Variants in SLC29A3 observed in about 807,000 individuals in gnomAD.
The protein encoded by SLC29A3 is equilibrative nucleoside transporter 3.
Under a neutral mutation model 25.4 loss-of-function variants are expected in SLC29A3, and 18 were observed. The ratio of observed to expected loss-of-function variants is 0.71; its 90% CI spans 0.49 to 1.05. The LOEUF (loss-of-function observed/expected upper bound fraction) is 1.05. Among genes scored for constraint, SLC29A3 ranks in the 50% least tolerant of loss-of-function variants. SLC29A3 has a pLI of 0.00. For missense variants in SLC29A3, 586 were observed against 609.0 expected (o/e 0.96, Z 0.40); for synonymous variants, 258 against 267.1 (o/e 0.97, Z 0.33).
intron 4 of SLC29A3, among the ~76,000 whole-genome samples, chr10:71,352,200 G>A (rs570658744): frequency 1.3e-5 from 2 of 152,158 alleles, no homozygotes; most frequent in South Asian, 2.1e-4. Context: ...TGGTGTCTGG[G>A]TTGCAAAAGC....
In SLC29A3 at chr10:71,362,743, C is replaced by A. The variant is rs1458291851; in HGVS notation, c.*135C>A. On this transcript the variant is annotated 3_prime_UTR_variant, in exon 6 of 6. Transcript: ENST00000373189. Reference sequence around the variant, plus strand: ...GAGCAGAGCACACTCGGGCCTCATCCCTCCCAAGATGCCAGTGAGCCACGT... The same window carrying A: ...GAGCAGAGCACACTCGGGCCTCATCACTCCCAAGATGCCAGTGAGCCACGT... 1.7e-6 allele frequency: 2 copies of A among 1,207,576 alleles called. No homozygotes were observed. Among genetic ancestry groups the A allele is most frequent in the Non-Finnish European group, 2.4e-6 (2 of 839,774 alleles). 74.8% of individuals were successfully genotyped at this position (1,207,576 alleles called of 1,614,324 possible).
intron 3 of SLC29A3, among the ~76,000 whole-genome samples, chr10:71,372,532 T>C (rs1847219307): frequency 6.6e-6 from 1 of 152,164 alleles, no homozygotes. Flanking sequence ...TTCCAACAAG[T>C]TCCCAGGTGG....
intron 4 of SLC29A3, among the ~76,000 whole-genome samples, chr10:71,355,105 A>G (rs1469235198): frequency 6.6e-6 from 1 of 152,222 alleles, no homozygotes; most frequent in African/African-American, 2.4e-5. Flanking sequence ...ACTGTGTGCC[A>G]GGCCCTTTGT....
chr10:71,327,524 A>C (rs1159241841), intron 2 of SLC29A3, among the ~76,000 whole-genome samples: 1 of 152,204 alleles, frequency 6.6e-6, no homozygotes, highest in African/African-American at 2.4e-5. Context: ...CCTGCAATGC[A>C]GATCTTAGTA....
At chr10:71,332,961 T>G (rs1846155187) in intron 2 of SLC29A3, among the ~76,000 whole-genome samples, 1 of 152,240 alleles carries the variant, frequency 6.6e-6, no homozygotes, top group South Asian at 2.1e-4. Flanking sequence ...CTGCGCTCCC[T>G]TGCCCTCCAG....
intron 2 of SLC29A3, among the ~76,000 whole-genome samples, chr10:71,331,311 G>A (rs1055428130): frequency 6.6e-6 from 1 of 152,142 alleles, no homozygotes; most frequent in African/African-American, 2.4e-5. Context: ...TGGGGGGAGA[G>A]ACAGAGGAGA....
chr10:71,365,444 C>A (rs1847162660), downstream of SLC29A3: 1 of 151,988 alleles, frequency 6.6e-6, no homozygotes, highest in East Asian at 1.9e-4. Context: ...AGATGATTTG[C>A]AGTTAGTGTG....
chr10:71,375,140 C>T (rs1404288415), intron 3 of SLC29A3, among the ~76,000 whole-genome samples: 1 of 152,176 alleles, frequency 6.6e-6, no homozygotes, highest in Non-Finnish European at 1.5e-5. Flanking sequence ...TATTATCCTG[C>T]TCTTAGATCC....
At chr10:71,356,012 G>C (rs977201076) in intron 4 of SLC29A3, 69 bp from the exon 5 acceptor site, 23 of 1,567,196 alleles carry the variant, frequency 1.5e-5, no homozygotes, top group African/African-American at 8.1e-5. Flanking sequence ...AACCCAAGCA[G>C]GGAGGGGCCC....
At chr10:71,376,481 T>C (rs1008214622) in intron 4 of SLC29A3, among the ~76,000 whole-genome samples, 1 of 152,222 alleles carries the variant, frequency 6.6e-6, no homozygotes, top group South Asian at 2.1e-4. Context: ...ATAACTATTA[T>C]ACCTCTTAGA....
intron 2 of SLC29A3, among the ~76,000 whole-genome samples, chr10:71,342,019 A>G (rs1229938698): frequency 6.6e-6 from 1 of 152,088 alleles, no homozygotes; most frequent in Non-Finnish European, 1.5e-5. Flanking sequence ...TGGGTGCTAC[A>G]GTCCTATGTA....
At chr10:71,375,892 T>C (rs1479965325) in intron 4 of SLC29A3, 1 of 152,240 alleles carries the variant, frequency 6.6e-6, no homozygotes, top group African/African-American at 2.4e-5. Flanking sequence ...ATTTTCATTT[T>C]AGCCAAGAAA....
At chr10:71,368,289 A>G (rs1303758851), downstream of SLC29A3, among the ~76,000 whole-genome samples, 2 of 152,232 alleles carry the variant, frequency 1.3e-5, no homozygotes, top group African/African-American at 4.8e-5. Flanking sequence ...AAAGGATTAA[A>G]TAAGCCCTAA....
At position 71,350,814 on chromosome 10, in the gene SLC29A3, C is replaced by A. The variant is rs536441615; in HGVS notation, c.384-748C>A. On this transcript the variant is annotated intron_variant, in intron 3 of 5. Coordinates refer to ENST00000373189, the MANE Select transcript of SLC29A3 (RefSeq NM_018344.6). ...TTCTGAGAACTGACCAGAGCCAGGC[C>A]TCCTGGGTTCATTGCTGAGTGACTT... is the stretch of plus-strand genomic sequence containing the variant. 3.3e-5 allele frequency among the ~76,000 whole-genome samples: 5 copies of A among 152,290 alleles called. No individual in the cohort carries two copies. In the South Asian group the frequency reaches 1.0e-3, roughly 32 times the overall value.
chr10:71,372,044 G>A (rs758016164), intron 3 of SLC29A3, among the ~76,000 whole-genome samples: 3 of 152,212 alleles, frequency 2.0e-5, no homozygotes, highest in East Asian at 1.9e-4. Flanking sequence ...CAGATCTATC[G>A]ACAGTTTCAG....
exon 5 of SLC29A3, chr10:71,379,913 A>C (rs1378132547): frequency 6.6e-6 from 1 of 151,664 alleles, no homozygotes; most frequent in African/African-American, 2.4e-5. Flanking sequence ...TTTACCCCAT[A>C]CTCCCTCAAG....
At chr10:71,322,341 T>A (rs2131795951) in intron 1 of SLC29A3, among the ~76,000 whole-genome samples, 1 of 152,354 alleles carries the variant, frequency 6.6e-6, no homozygotes, top group South Asian at 2.1e-4. Context: ...GGTTTAGAGA[T>A]CATTCTTTGC....
chr10:71,340,983 CA>C (rs902001420), intron 2 of SLC29A3, among the ~76,000 whole-genome samples: 1 of 152,194 alleles, frequency 6.6e-6, no homozygotes, highest in African/African-American at 2.4e-5. Context: ...AGCTTTGCAG[CA>C]GCACACACGG....
At chr10:71,333,455 G>T (rs970369214) in intron 2 of SLC29A3, among the ~76,000 whole-genome samples, 4 of 152,244 alleles carry the variant, frequency 2.6e-5, no homozygotes. Flanking sequence ...TCCCAAGGCG[G>T]GAGCAGTCTG....
Sources: gnomAD v4.1 joint callset for allele counts (sites outside exome capture counted in the v4.1 genomes callset) on GRCh38, gnomAD v4.1.1 for gene constraint, MANE v1.5 for transcripts, NCBI Gene and HGNC (gene_info 2026-07-23, HGNC 2026-07-21) for gene names.